TMEM135: variants seen among roughly 807,000 people sequenced by gnomAD.
The protein encoded by TMEM135 is peroxisomal membrane protein 52.
Under a neutral mutation model 60.3 loss-of-function variants are expected in TMEM135, and 30 were observed. The observed-to-expected ratio is 0.50, with a 90% CI of 0.37 to 0.68. TMEM135 has a LOEUF of 0.68. Ranked by LOEUF, TMEM135 falls within the 30% of genes least tolerant of loss-of-function variation. The pLI is 0.00. For synonymous variants in TMEM135, 190 were observed against 186.7 expected (o/e 1.02, Z -0.14); for missense variants, 468 against 548.8 (o/e 0.85, Z 1.47).
chr11:87,288,958 T>C (rs1942215614), intron 6 of TMEM135, among the ~76,000 whole-genome samples: 1 of 152,136 alleles, frequency 6.6e-6, no homozygotes, highest in Non-Finnish European at 1.5e-5. Context: ...GATCCCATCT[T>C]GGGGGGTGAG....
intron 6 of TMEM135, among the ~76,000 whole-genome samples, chr11:87,290,398 TA>T (rs1565158709): frequency 6.6e-6 from 1 of 152,186 alleles, no homozygotes; most frequent in African/African-American, 2.4e-5. Context: ...TGCATCCCTA[TA>T]AATGTGTTTT....
chr11:87,054,600 G>C (rs749716785), intron 1 of TMEM135, among the ~76,000 whole-genome samples: 1 of 152,040 alleles, frequency 6.6e-6, no homozygotes, highest in Non-Finnish European at 1.5e-5. Flanking sequence ...CATTTATTTT[G>C]TATAGCCCTT....
chr11:87,291,619 C>T (rs1260281460), intron 6 of TMEM135, among the ~76,000 whole-genome samples: 2 of 147,184 alleles, frequency 1.4e-5, no homozygotes, highest in Non-Finnish European at 3.0e-5. Flanking sequence ...GCCAACTCTG[C>T]CTCCTGCCAC....
chr11:87,143,739 C>CA (rs1938329468), intron 4 of TMEM135, among the ~76,000 whole-genome samples: 1 of 152,152 alleles, frequency 6.6e-6, no homozygotes, highest in South Asian at 2.1e-4. Flanking sequence ...ATTTGTGTCT[C>CA]AGTCTTTCTG....
intron 6 of TMEM135, among the ~76,000 whole-genome samples, chr11:87,279,040 CTT>C (rs1942015726): frequency 6.6e-6 from 1 of 151,112 alleles, no homozygotes; most frequent in Admixed American, 6.6e-5. Context: ...GTTTGTTCTT[CTT>C]TATAGCTGAG....
intron 4 of TMEM135, among the ~76,000 whole-genome samples, chr11:87,135,049 T>G (rs1413933845): frequency 6.6e-6 from 1 of 152,236 alleles, no homozygotes; most frequent in Non-Finnish European, 1.5e-5. Flanking sequence ...CAGTGAACTG[T>G]CTTTTCAAAA....
chr11:87,152,998 C>T (rs1938596947), intron 4 of TMEM135, among the ~76,000 whole-genome samples: 1 of 152,124 alleles, frequency 6.6e-6, no homozygotes, highest in Non-Finnish European at 1.5e-5. Flanking sequence ...TTCCTTACCT[C>T]TTCTCCAGTT....
chr11:87,059,096 A>G (rs768914239), intron 1 of TMEM135, among the ~76,000 whole-genome samples: 32 of 150,332 alleles, frequency 2.1e-4, no homozygotes, highest in Non-Finnish European at 4.4e-4. Flanking sequence ...CACCATCATG[A>G]CTGGCTAATT....
At chr11:87,073,044 T>G (rs1856800419) in intron 3 of TMEM135, among the ~76,000 whole-genome samples, 1 of 151,002 alleles carries the variant, frequency 6.6e-6, no homozygotes, top group African/African-American at 2.4e-5. Flanking sequence ...TATTTATTTA[T>G]TTATTTTTTT....
At chr11:87,186,199 C>T (rs1023534626) in intron 5 of TMEM135, among the ~76,000 whole-genome samples, 2 of 152,166 alleles carry the variant, frequency 1.3e-5, no homozygotes, top group East Asian at 1.9e-4. Flanking sequence ...GCCACCGTGC[C>T]CAGCTGTAGT....
At chr11:87,202,107 C>T (rs576797794) in intron 5 of TMEM135, among the ~76,000 whole-genome samples, 6 of 152,210 alleles carry the variant, frequency 3.9e-5, no homozygotes, top group Non-Finnish European at 8.8e-5. Flanking sequence ...CTCATTGCAA[C>T]CTCCACCTCC....
rs1940678040 is a variant in TMEM135, at chr11:87,223,029, T to C, written c.463-13609T>C. Among the ~76,000 whole-genome samples the C allele has an allele frequency of 2.0e-5, 3 of 152,222 alleles. No homozygotes were observed. The South Asian group carries it at 6.2e-4, about 32-fold the overall frequency. On this transcript the variant is annotated intron_variant, in intron 5 of 14. Transcript: ENST00000305494. The stretch of plus-strand genomic sequence containing the variant: ...TCTTAAGGTTACACAACACAATTGA[T>C]AGGTTATGGTCAGTTGTTTCCTTGC...
intron 5 of TMEM135, among the ~76,000 whole-genome samples, chr11:87,218,854 C>T (rs904136085): frequency 5.3e-5 from 8 of 152,020 alleles, no homozygotes; most frequent in Non-Finnish European, 8.8e-5. Flanking sequence ...CCCAGCTATT[C>T]GGGAGGCTAA....
chr11:87,145,343 G>A (rs1157404309), intron 4 of TMEM135, among the ~76,000 whole-genome samples: 1 of 152,084 alleles, frequency 6.6e-6, no homozygotes, highest in East Asian at 1.9e-4. Flanking sequence ...TGGACACTTA[G>A]GTTGATTTCA....
intron 3 of TMEM135, among the ~76,000 whole-genome samples, chr11:87,088,421 A>G (rs1192089025): frequency 6.6e-6 from 1 of 152,234 alleles, no homozygotes; most frequent in African/African-American, 2.4e-5. Context: ...CAAAGTTTCC[A>G]AATTCTGAAG....
At chr11:87,149,147 A>T (rs550121782) in intron 4 of TMEM135, among the ~76,000 whole-genome samples, 5 of 152,252 alleles carry the variant, frequency 3.3e-5, no homozygotes, top group African/African-American at 1.2e-4. Context: ...TGTATAAATT[A>T]CATGCTGTAT....
At chr11:87,300,321 G>A (rs1942422100) in intron 7 of TMEM135, among the ~76,000 whole-genome samples, 1 of 152,190 alleles carries the variant, frequency 6.6e-6, no homozygotes, top group African/African-American at 2.4e-5. Context: ...CAAAAGAATA[G>A]TGTCAAGAAC....
intron 5 of TMEM135, among the ~76,000 whole-genome samples, chr11:87,199,803 G>A (rs571359254): frequency 9.2e-5 from 14 of 152,182 alleles, no homozygotes; most frequent in African/African-American, 2.2e-4. Flanking sequence ...GGTGGCACGC[G>A]CCTGTAATCC....
At chr11:87,283,230 A>G (rs1319850209) in intron 6 of TMEM135, among the ~76,000 whole-genome samples, 1 of 151,988 alleles carries the variant, frequency 6.6e-6, no homozygotes, top group Non-Finnish European at 1.5e-5. Context: ...GCTACTTGGG[A>G]GGCTGACACA....
Sources: gnomAD v4.1 joint callset for allele counts (sites outside exome capture counted in the v4.1 genomes callset) on GRCh38, gnomAD v4.1.1 for gene constraint, MANE v1.5 for transcripts, NCBI Gene and HGNC (gene_info 2026-07-23, HGNC 2026-07-21) for gene names.